The following RORA variants were observed in gnomAD, a reference collection of about 807,000 sequenced individuals.
RORA encodes the protein RAR related orphan receptor A.
Under a neutral mutation model 69.5 loss-of-function variants are expected in RORA, and 7 were observed. The observed-to-expected ratio is 0.10, with a 90% CI of 0.06 to 0.19. The LOEUF (loss-of-function observed/expected upper bound fraction) is 0.19, where lower values mean the gene tolerates loss of function less well. RORA is among the 10% of genes least tolerant of loss of function. The pLI is 1.00. For synonymous variants in RORA, 261 were observed against 240.8 expected (o/e 1.08, Z -0.78); for missense variants, 457 against 663.0 (o/e 0.69, Z 3.41).
Position 60,511,530 on chromosome 15 carries a change from G to T in RORA, c.516C>A (p.His172Gln), listed in dbSNP as rs1239917192. 4.3e-6 allele frequency: 7 copies of T among 1,614,142 alleles called. No individual in the cohort carries two copies. Among genetic ancestry groups the T allele is most frequent in the Non-Finnish European group, 5.9e-6 (7 of 1,180,014 alleles). ...KHRMQQQQRDHQQQPGEAEPL... is the reference protein window; with the variant it reads ...KHRMQQQQRDQQQQPGEAEPL... ...GCTCAGCCTCTCCAGGCTGCTGCTG[G>T]TGGTCGCGCTGCTGCTGCTGCATCC... The change falls in exon 5 of 11, where the codon CAC (histidine) becomes CAA (glutamine). Residue 172 changes from histidine (H) to glutamine (Q), a missense_variant. His to Gln is a conservative substitution (Grantham distance 24). Transcript: ENST00000335670. This position sits in a 1 kb window ranked among gnomAD's most constrained non-coding sequence, Gnocchi z 6.4.
At chr15:61,036,293 G>A (rs1257241828) in intron 1 of RORA, among the ~76,000 whole-genome samples, 1 of 152,128 alleles carries the variant, frequency 6.6e-6, no homozygotes, top group African/African-American at 2.4e-5. Context: ...GATAGCAAGA[G>A]GATGCAATCC....
At chr15:61,081,362 C>T (rs922176466) in intron 1 of RORA, among the ~76,000 whole-genome samples, 1 of 152,142 alleles carries the variant, frequency 6.6e-6, no homozygotes, top group Non-Finnish European at 1.5e-5. Flanking sequence ...CTAGATACAG[C>T]TTATAAAAAG....
At chr15:60,850,163 A>G (rs910111421) in intron 1 of RORA, among the ~76,000 whole-genome samples, 6 of 152,316 alleles carry the variant, frequency 3.9e-5, no homozygotes, top group African/African-American at 1.4e-4. Flanking sequence ...ACCTGAATCC[A>G]GGCTGATGCC....
intron 1 of RORA, among the ~76,000 whole-genome samples, chr15:61,215,688 G>A (rs2080034704): frequency 6.6e-6 from 1 of 152,130 alleles, no homozygotes; most frequent in Non-Finnish European, 1.5e-5. Flanking sequence ...GTATATATAT[G>A]TATATGTATA....
chr15:60,745,213 C>T (rs2071630281), intron 1 of RORA, among the ~76,000 whole-genome samples: 1 of 152,154 alleles, frequency 6.6e-6, no homozygotes, highest in Non-Finnish European at 1.5e-5. Context: ...AATTTGCTTC[C>T]AGGGGAGTTT....
intron 1 of RORA, among the ~76,000 whole-genome samples, chr15:61,008,647 A>T (rs1346137036): frequency 6.6e-6 from 1 of 152,194 alleles, no homozygotes; most frequent in African/African-American, 2.4e-5. Context: ...ATGGAAAAAA[A>T]TGCGCATGTA....
At chr15:60,902,513 C>T (rs1025017890) in intron 1 of RORA, among the ~76,000 whole-genome samples, 3 of 152,164 alleles carry the variant, frequency 2.0e-5, no homozygotes, top group African/African-American at 4.8e-5. Context: ...CATTTAGAAT[C>T]CAGGCCTAGA....
chr15:60,964,058 G>T (rs956105505), intron 1 of RORA, among the ~76,000 whole-genome samples: 6 of 152,184 alleles, frequency 3.9e-5, no homozygotes, highest in African/African-American at 1.4e-4. Context: ...CTGTAAGATA[G>T]GAATCATCTC....
In RORA at chr15:60,842,406, A is replaced by G. The variant is rs149446283; in HGVS notation, c.167-163720T>C. ...CTGTTCAAAGCATTAATCATAATAG[A>G]TATTTTCAAAGCTACCATTTATGAT... is the stretch of plus-strand genomic sequence containing the variant. On this transcript the variant is annotated intron_variant, in intron 1 of 10. Coordinates refer to ENST00000335670, the MANE Select transcript of RORA (RefSeq NM_134261.3). 6.6e-3 allele frequency among the ~76,000 whole-genome samples: 1,011 copies of G among 152,284 alleles called. 5 individuals are homozygous for G. Among genetic ancestry groups the G allele is most frequent in the South Asian group, 0.036 (173 of 4,828 alleles).
At chr15:60,995,151 A>T (rs1449250884) in intron 1 of RORA, among the ~76,000 whole-genome samples, 1 of 152,224 alleles carries the variant, frequency 6.6e-6, no homozygotes, top group African/African-American at 2.4e-5. Flanking sequence ...AGGGAAATGA[A>T]TAAGAATAAT....
chr15:61,114,922 G>T (rs573406967), intron 1 of RORA, among the ~76,000 whole-genome samples: 1 of 152,208 alleles, frequency 6.6e-6, no homozygotes, highest in Non-Finnish European at 1.5e-5. Flanking sequence ...CTCATCATTA[G>T]AGTTATGCTT....
intron 2 of RORA, among the ~76,000 whole-genome samples, chr15:60,678,029 T>C (rs1314888682): frequency 2.0e-5 from 3 of 152,236 alleles, no homozygotes; most frequent in Non-Finnish European, 2.9e-5. Flanking sequence ...ACACCTTACA[T>C]TGACGTGAGT....
At chr15:61,081,100 T>C (rs1406616238) in intron 1 of RORA, among the ~76,000 whole-genome samples, 1 of 152,204 alleles carries the variant, frequency 6.6e-6, no homozygotes, top group African/African-American at 2.4e-5. Context: ...AGTACATACA[T>C]ATTTCTGGTA....
chr15:60,642,669 T>G (rs2069964275), intron 2 of RORA, among the ~76,000 whole-genome samples: 2 of 152,040 alleles, frequency 1.3e-5, no homozygotes. Context: ...GGTAGGAGAA[T>G]CACTTGAGCC....
At chr15:60,666,766 G>C (rs1466363772) in intron 2 of RORA, among the ~76,000 whole-genome samples, 1 of 152,308 alleles carries the variant, frequency 6.6e-6, no homozygotes, top group East Asian at 1.9e-4. Flanking sequence ...CCTGGGAACA[G>C]ATCACTGAGG....
At chr15:60,665,534 A>G (rs1458828716) in intron 2 of RORA, among the ~76,000 whole-genome samples, 2 of 152,346 alleles carry the variant, frequency 1.3e-5, no homozygotes, top group East Asian at 3.9e-4. Flanking sequence ...AGAAACTTTA[A>G]AGCTATCAGC....
intron 1 of RORA, among the ~76,000 whole-genome samples, chr15:60,715,152 C>T (rs1013559190): frequency 2.6e-5 from 4 of 152,160 alleles, no homozygotes; most frequent in African/African-American, 7.2e-5. Flanking sequence ...CCGATTTATT[C>T]TCAAGCAGCC....
rs112590603 is a variant in RORA at position 60,839,180 on chromosome 15, G to C, written c.167-160494C>G. On this transcript the variant is annotated intron_variant, in intron 1 of 10. Transcript: ENST00000335670. ...CCCAAAGTGCTGCGATTACAGGCGT[G>C]AGCCACCGCGCCTGGCCTCAACATA... Among the ~76,000 whole-genome samples the C allele has an allele frequency of 5.1e-3, 779 of 152,226 alleles. 7 individuals carry two copies. Among genetic ancestry groups the C allele is most frequent in the African/African-American group, 0.018 (737 of 41,530 alleles).
intron 2 of RORA, among the ~76,000 whole-genome samples, chr15:60,641,554 C>T (rs1226520135): frequency 6.6e-6 from 1 of 152,120 alleles, no homozygotes; most frequent in Non-Finnish European, 1.5e-5. Flanking sequence ...GGATTACAGG[C>T]ATGTGCCACT....
Sources: allele counts gnomAD v4.1 joint callset (sites outside exome capture counted in the v4.1 genomes callset), GRCh38; gene constraint gnomAD v4.1.1; non-coding constraint Gnocchi (gnomAD v3.1); transcripts MANE v1.5; gene names NCBI Gene and HGNC (gene_info 2026-07-23, HGNC 2026-07-21).